PPFIBP2: variants seen among roughly 807,000 people sequenced by gnomAD.
PPFIBP2 encodes the protein PPFIB scaffold protein 2, also known as liprin-beta-2.
PPFIBP2 carries 118 observed loss-of-function variants against 118.3 expected under a neutral mutation model. That is an observed-to-expected ratio of 1.00 (90% CI 0.86 to 1.16). PPFIBP2 has a LOEUF of 1.16. Among genes scored for constraint, PPFIBP2 ranks in the 50% most tolerant of loss-of-function variants. PPFIBP2 has a pLI of 0.00. For synonymous variants in PPFIBP2, 414 were observed against 397.4 expected (o/e 1.04, Z -0.50); for missense variants, 1,195 against 1,073.1 (o/e 1.11, Z -1.59).
intron 12 of PPFIBP2, among the ~76,000 whole-genome samples, chr11:7,633,835 T>A (rs1306239533): frequency 6.6e-6 from 1 of 152,210 alleles, no homozygotes; most frequent in Admixed American, 6.5e-5. Flanking sequence ...TAATATTTTT[T>A]AAAATGATGA....
At position 7,625,877 on chromosome 11, in the gene PPFIBP2, G is replaced by A; in HGVS notation, c.812G>A (p.Ser271Asn). 6.2e-7 allele frequency: 1 copy of A among 1,614,176 alleles called. No individual in the cohort carries two copies. ...CGGACAGCAGCTCTCCACAGTGAGA[G>A]TCACACAGAGAGAGGTGACTAGCTT... Reference protein sequence around the residue: ...LSRTAALHSESHTERDQEIQR... With the variant: ...LSRTAALHSENHTERDQEIQR... The change falls in exon 8 of 24, where the codon AGT becomes AAT. Residue 271 changes from serine (S) to asparagine (N), a missense_variant. Physicochemically the swap from Ser to Asn is conservative, Grantham distance 46. Coordinates refer to ENST00000299492, the MANE Select transcript of PPFIBP2 (RefSeq NM_003621.5).
At chr11:7,522,871 G>A in intron 1 of PPFIBP2, among the ~76,000 whole-genome samples, 1 of 152,052 alleles carries the variant, frequency 6.6e-6, no homozygotes, top group Non-Finnish European at 1.5e-5. Flanking sequence ...TTTTCTTCTG[G>A]GAATGTAACC....
chr11:7,527,714 A>C (rs1850351040), intron 1 of PPFIBP2, among the ~76,000 whole-genome samples: 1 of 152,124 alleles, frequency 6.6e-6, no homozygotes. Flanking sequence ...AAAGACAGGG[A>C]CCAGAGTTGC....
intron 11 of PPFIBP2, 96 bp downstream of exon 11, chr11:7,631,124 C>T (rs964989155): frequency 4.4e-6 from 4 of 902,148 alleles, no homozygotes; most frequent in African/African-American, 1.6e-5. Flanking sequence ...GTCAGGTGCA[C>T]ATCTTGGCAG....
Position 7,653,446 on chromosome 11 carries a change from GAAAGACACTT to G in PPFIBP2, c.*239_*248del, listed in dbSNP as rs1854364039. 6.0e-6 allele frequency: 9 copies of G among 1,505,562 alleles called. No homozygotes were observed. Among genetic ancestry groups the G allele is most frequent in the Non-Finnish European group, 8.0e-6 (9 of 1,128,900 alleles). 93.3% of individuals were successfully genotyped at this position (1,505,562 alleles called of 1,614,324 possible). A position where few individuals can be genotyped will look rare whatever the true frequency, so the allele number is the denominator to read the frequency against. On this transcript the variant is annotated 3_prime_UTR_variant, in exon 24 of 24. Coordinates refer to ENST00000299492, the MANE Select transcript of PPFIBP2 (RefSeq NM_003621.5). ...CCATTGCCAAAGGTGGACTCAGGAG[GAAAGACACTT>G]AAAGACACTTTTACATGTCTAGTAA...
chr11:7,516,523 AC>A lies in PPFIBP2; in HGVS notation c.-37+2406del, dbSNP rs749055202. Among the ~76,000 whole-genome samples the A allele has an allele frequency of 1.4e-4, 21 of 151,702 alleles. 1 individual carries two copies. In the South Asian group the frequency reaches 4.4e-3, roughly 32 times the overall value. The stretch of plus-strand genomic sequence containing the variant: ...ATGAAAGGTTCTTGTATTGGTTCGA[AC>A]CCCGAGAGCCTGCCAACAGACAACA... On this transcript the variant is annotated intron_variant, in intron 1 of 23. Transcript: ENST00000299492.
the PPFIBP2 span, chr11:7,665,582 T>C: frequency 6.4e-7 from 1 of 1,558,892 alleles, no homozygotes; most frequent in Non-Finnish European, 8.7e-7. Context: ...AGCTGAGCGA[T>C]GCCAGGTGGA....
At chr11:7,655,761 G>A (rs1398995407), downstream of PPFIBP2, among the ~76,000 whole-genome samples, 1 of 151,782 alleles carries the variant, frequency 6.6e-6, no homozygotes, top group African/African-American at 2.4e-5. Flanking sequence ...AAGCACACTA[G>A]ATCTCAGGTC....
At chr11:7,642,577 T>C in intron 17 of PPFIBP2, 151 bp downstream of exon 17, 3 of 843,000 alleles carry the variant, frequency 3.6e-6, no homozygotes, top group Non-Finnish European at 5.3e-6. Flanking sequence ...CAGTACGTCA[T>C]TTCCAGCACA....
chr11:7,546,948 T>TTA (rs1279353181), intron 1 of PPFIBP2, among the ~76,000 whole-genome samples: 20 of 152,232 alleles, frequency 1.3e-4, no homozygotes, highest in Non-Finnish European at 1.5e-5. Flanking sequence ...TAGGTCTGAT[T>TTA]TATCAGTATC....
In PPFIBP2 at chr11:7,641,472, A is replaced by T; in HGVS notation, c.1376-7A>T. 1 of 1,613,802 alleles carries T rather than the reference A, an allele frequency of 6.2e-7. No individual in the cohort carries two copies. The highest frequency in any genetic ancestry group is 1.1e-5 in the South Asian group (1 of 91,014). ...CATTCACATTCATTGCCTTCTTCCAATCTCAGGAGACACAGAAAGTGGCTG... is the reference window on the plus strand; with the variant it reads ...CATTCACATTCATTGCCTTCTTCCATTCTCAGGAGACACAGAAAGTGGCTG... On this transcript the variant is annotated splice_polypyrimidine_tract_variant and splice_region_variant and intron_variant, in intron 15 of 23. Transcript: ENST00000299492.
In PPFIBP2 at chr11:7,653,723, C is replaced by A. The variant is rs1197106151; in HGVS notation, c.*505C>A. On this transcript the variant is annotated 3_prime_UTR_variant, in exon 24 of 24. Transcript: ENST00000299492. Reference sequence around the variant, plus strand: ...TGCCTTACTTCAGAGGTGGTCTCTTCTTTCTTGTAATAAAAGCAATATTTA... The same window carrying A: ...TGCCTTACTTCAGAGGTGGTCTCTTATTTCTTGTAATAAAAGCAATATTTA... 2.4e-6 allele frequency: 3 copies of A among 1,235,448 alleles called. No individual in the cohort carries two copies. In the East Asian group the frequency reaches 1.7e-4, roughly 71 times the overall value. 76.5% of individuals were successfully genotyped at this position (1,235,448 alleles called of 1,614,324 possible). A position where few individuals can be genotyped will look rare whatever the true frequency, so the allele number is the denominator to read the frequency against.
chr11:7,533,999 A>G (rs1010385249), intron 1 of PPFIBP2, among the ~76,000 whole-genome samples: 2 of 152,244 alleles, frequency 1.3e-5, no homozygotes, highest in Admixed American at 6.5e-5. Context: ...GGCTAGAGGT[A>G]GAAAGCCCAG....
intron 1 of PPFIBP2, among the ~76,000 whole-genome samples, chr11:7,534,039 G>T (rs568044562): frequency 6.6e-6 from 1 of 152,336 alleles, no homozygotes; most frequent in East Asian, 1.9e-4. Flanking sequence ...CTGGCTGAGA[G>T]ATGATGAGGT....
intron 11 of PPFIBP2, among the ~76,000 whole-genome samples, chr11:7,631,538 A>G (rs1253427063): frequency 6.6e-6 from 1 of 151,998 alleles, no homozygotes; most frequent in African/African-American, 2.4e-5. Flanking sequence ...CTTCTCATCT[A>G]TTTCGTTTGT....
downstream of PPFIBP2, chr11:7,655,605 G>A: frequency 7.7e-6 from 7 of 913,988 alleles, no homozygotes; most frequent in Non-Finnish European, 1.1e-5. Context: ...GGCGAAGAAT[G>A]GTGCTTAGTG....
In PPFIBP2 at chr11:7,584,855, C is replaced by T. The variant is rs538244660; in HGVS notation, c.280-8277C>T. On this transcript the variant is annotated intron_variant, in intron 3 of 23. Transcript: ENST00000299492. ...GATATAGCCTTAGTAACTTTGATATCTCCCCTGATGCCCTGTGCCTGGCAG... is the reference window on the plus strand; with the variant it reads ...GATATAGCCTTAGTAACTTTGATATTTCCCCTGATGCCCTGTGCCTGGCAG... Among the ~76,000 whole-genome samples the T allele has an allele frequency of 1.1e-4, 17 of 152,278 alleles. No homozygotes were observed. The East Asian group carries it at 3.3e-3, about 29-fold the overall frequency.
At chr11:7,618,938 C>T (rs927935237) in intron 6 of PPFIBP2, among the ~76,000 whole-genome samples, 18 of 147,522 alleles carry the variant, frequency 1.2e-4, no homozygotes, top group Non-Finnish European at 2.4e-4. Context: ...CATATGCTCA[C>T]CTCAACTAGA....
At chr11:7,519,620 A>T (rs999428402) in intron 1 of PPFIBP2, among the ~76,000 whole-genome samples, 5 of 152,086 alleles carry the variant, frequency 3.3e-5, no homozygotes, top group African/African-American at 1.2e-4. Context: ...GTTTTTTAGA[A>T]TGGAGGGCCG....
Sources: gnomAD v4.1 joint callset for allele counts (sites outside exome capture counted in the v4.1 genomes callset) on GRCh38, gnomAD v4.1.1 for gene constraint, MANE v1.5 for transcripts, NCBI Gene and HGNC (gene_info 2026-07-23, HGNC 2026-07-21) for gene names.